The following SLC44A5 variants were observed in gnomAD, a reference collection of about 807,000 sequenced individuals.
SLC44A5 encodes choline transporter-like protein 5.
A neutral mutation model predicts 101.8 loss-of-function variants in SLC44A5; 57 were observed. The ratio of observed to expected loss-of-function variants is 0.56; its 90% CI spans 0.45 to 0.70. The LOEUF (loss-of-function observed/expected upper bound fraction) is 0.70. SLC44A5 is among the 30% of genes least tolerant of loss of function. The pLI, the probability that SLC44A5 is intolerant of heterozygous loss-of-function variation, is 0.00. For missense variants in SLC44A5, 737 were observed against 853.1 expected (o/e 0.86, Z 1.70); for synonymous variants, 281 against 290.9 (o/e 0.97, Z 0.35).
At chr1:75,677,460 T>C in the SLC44A5 span, among the ~76,000 whole-genome samples, 4 of 151,978 alleles carry the variant, frequency 2.6e-5, no homozygotes, top group Non-Finnish European at 5.9e-5. Context: ...TAACCTCAAA[T>C]TTAAAAACAT....
chr1:75,556,902 C>G (rs893671358), intron 1 of SLC44A5, among the ~76,000 whole-genome samples: 1 of 151,960 alleles, frequency 6.6e-6, no homozygotes, highest in African/African-American at 2.4e-5. Context: ...GATGAGTACA[C>G]TAATAGCCAA....
the SLC44A5 span, chr1:75,641,940 A>G: frequency 6.2e-7 from 1 of 1,605,116 alleles, no homozygotes; most frequent in East Asian, 2.2e-5. Context: ...TTTGCCATGG[A>G]ACATATTCCA....
intron 3 of SLC44A5, among the ~76,000 whole-genome samples, chr1:75,376,722 G>T (rs1660647331): frequency 6.6e-6 from 1 of 152,212 alleles, no homozygotes; most frequent in South Asian, 2.1e-4. Flanking sequence ...AAACCACAAA[G>T]ATGGGGAAAA....
the SLC44A5 span, among the ~76,000 whole-genome samples, chr1:75,690,283 G>A: frequency 4.0e-5 from 6 of 149,316 alleles, no homozygotes; most frequent in Non-Finnish European, 7.4e-5. Flanking sequence ...CAGAGGCAGG[G>A]AAGTGCCAAA....
chr1:75,346,557 T>C (rs1157603314), intron 3 of SLC44A5, among the ~76,000 whole-genome samples: 2 of 152,134 alleles, frequency 1.3e-5, no homozygotes, highest in African/African-American at 2.4e-5. Context: ...TTGATTAGTG[T>C]GACAAAGCAG....
chr1:75,459,086 C>A (rs1462680896), intron 2 of SLC44A5, among the ~76,000 whole-genome samples: 1 of 152,074 alleles, frequency 6.6e-6, no homozygotes, highest in Non-Finnish European at 1.5e-5. Flanking sequence ...CCGGAGAAAT[C>A]ACTTTAATAA....
chr1:75,223,691 T>C (rs899641747), intron 13 of SLC44A5, among the ~76,000 whole-genome samples: 5 of 152,204 alleles, frequency 3.3e-5, no homozygotes, highest in African/African-American at 1.2e-4. Context: ...TATTATTATA[T>C]CACTGAAATT....
At chr1:75,616,914 A>T in the SLC44A5 span, among the ~76,000 whole-genome samples, 1 of 152,182 alleles carries the variant, frequency 6.6e-6, no homozygotes, top group East Asian at 1.9e-4. Flanking sequence ...TCCAGCAGAA[A>T]CTTGGTTACA....
the SLC44A5 span, among the ~76,000 whole-genome samples, chr1:75,659,493 G>GAAGGAAGA: frequency 3.7e-4 from 40 of 109,026 alleles, no homozygotes; most frequent in East Asian, 2.2e-3. Context: ...AGGAAGGAAG[G>GAAGGAAGA]CAGGCAGGCA....
intron 2 of SLC44A5, among the ~76,000 whole-genome samples, chr1:75,478,213 G>C (rs1457408478): frequency 6.6e-6 from 1 of 151,872 alleles, no homozygotes; most frequent in Non-Finnish European, 1.5e-5. Flanking sequence ...GAGAGATTTT[G>C]TCACCACCAG....
chr1:75,377,388 G>T (rs923105803), intron 3 of SLC44A5, among the ~76,000 whole-genome samples: 1 of 38,420 alleles, frequency 2.6e-5, no homozygotes, highest in Middle Eastern at 6.4e-3. Context: ...GCGGAAGGCC[G>T]CAGGGACCTC....
At chr1:75,372,207 A>G (rs1411052097) in intron 3 of SLC44A5, among the ~76,000 whole-genome samples, 1 of 151,926 alleles carries the variant, frequency 6.6e-6, no homozygotes. Context: ...AAAAAAAAAA[A>G]AAAAAAAAAC....
rs565791242 is a variant in SLC44A5, at chr1:75,376,243, G to T, written c.52+20340C>A. 8.6e-4 allele frequency among the ~76,000 whole-genome samples: 131 copies of T among 152,286 alleles called. 2 individuals carry two copies. The highest frequency in any genetic ancestry group is 1.1e-3 in the Non-Finnish European group (77 of 67,990). ...GCAGTCTGAGATCAAACTGCAAGGC[G>T]GCAGCGAGGCTGGGGGAGGGGCGCC... On this transcript the variant is annotated intron_variant, in intron 3 of 23. Transcript: ENST00000370859.
the SLC44A5 span, among the ~76,000 whole-genome samples, chr1:75,713,902 G>A: frequency 0.24 from 36,644 of 151,998 alleles, 4,735 homozygotes; most frequent in Non-Finnish European, 0.3. Flanking sequence ...TCCCGGGCTC[G>A]AGCAATCTTC....
the SLC44A5 span, among the ~76,000 whole-genome samples, chr1:75,699,128 G>A: frequency 7.2e-5 from 11 of 151,972 alleles, no homozygotes; most frequent in South Asian, 2.1e-4. Context: ...GCAGGCCAAC[G>A]TTCAGATTCA....
At chr1:75,475,555 C>A (rs1667335679) in intron 2 of SLC44A5, among the ~76,000 whole-genome samples, 1 of 152,214 alleles carries the variant, frequency 6.6e-6, no homozygotes, top group Admixed American at 6.5e-5. Flanking sequence ...CTCCTCTTTT[C>A]ATTCTGCCAG....
chr1:75,542,235 T>C (rs1299053562), intron 1 of SLC44A5, among the ~76,000 whole-genome samples: 3 of 152,114 alleles, frequency 2.0e-5, no homozygotes, highest in Non-Finnish European at 4.4e-5. Flanking sequence ...CATGTACCCT[T>C]CACCCAGCTT....
Position 75,610,715 on chromosome 1 carries a change from C to T in SLC44A5, c.-70+325G>A, listed in dbSNP as rs1483785955. ...TCAACATCTCAGCCCGAAATATTGT[C>T]GATATTTTGGTGAATATTAAGAGAA... On this transcript the variant is annotated intron_variant, in intron 1 of 23. Coordinates refer to ENST00000370859, the MANE Select transcript of SLC44A5 (RefSeq NM_001130058.2). 7.2e-5 allele frequency among the ~76,000 whole-genome samples: 11 copies of T among 151,930 alleles called. No individual in the cohort carries two copies. The East Asian group carries it at 1.8e-3, about 24-fold the overall frequency.
intron 1 of SLC44A5, among the ~76,000 whole-genome samples, chr1:75,601,484 C>A (rs1674980222): frequency 6.6e-6 from 1 of 151,914 alleles, no homozygotes; most frequent in African/African-American, 2.4e-5. Context: ...TACACCTATG[C>A]AACAAACCTG....
Sources: allele counts gnomAD v4.1 joint callset (sites outside exome capture counted in the v4.1 genomes callset), GRCh38; gene constraint gnomAD v4.1.1; transcripts MANE v1.5; gene names NCBI Gene and HGNC (gene_info 2026-07-23, HGNC 2026-07-21).